Variants in SCN2A observed in about 807,000 individuals in gnomAD.
The protein encoded by SCN2A is sodium voltage-gated channel alpha subunit 2, also known as sodium channel protein type 2 subunit alpha.
A neutral mutation model predicts 188.7 loss-of-function variants in SCN2A; 20 were observed. The ratio of observed to expected loss-of-function variants is 0.11; its 90% CI spans 0.07 to 0.15. The LOEUF (loss-of-function observed/expected upper bound fraction) is 0.15. Among genes scored for constraint, SCN2A ranks in the 10% least tolerant of loss-of-function variants. The probability of loss-of-function intolerance (pLI) is 1.00; values close to 1 mark genes in which losing one functional copy is unlikely to be tolerated. For missense variants in SCN2A, 1,278 were observed against 2,445.0 expected, an observed-to-expected ratio of 0.52 and a Z score of 10.07; for synonymous variants, 804 against 833.1, an observed-to-expected ratio of 0.97 and a Z score of 0.60.
In SCN2A at chr2:165,354,288, G is replaced by A; in HGVS notation, c.3016G>A (p.Ala1006Thr). Residue 1006 changes from alanine (A) to threonine (T), a missense_variant, in exon 17 of 27, where the codon GCT (alanine) becomes ACT (threonine). Physicochemically the swap from Ala to Thr is moderately conservative, Grantham distance 58. This residue lies in a region of SCN2A where 228 missense variants were observed against 297.3 expected (regional missense o/e 0.77). Coordinates refer to ENST00000375437, the MANE Select transcript of SCN2A (RefSeq NM_001040142.2). ...TAACGAAATGAATAATCTCCAGATT[G>A]CTGTGGGAAGGATGCAGAAAGGAAT... ...DDNEMNNLQI[A>T]VGRMQKGIDF... 1 of 1,614,056 alleles carries A rather than the reference G, an allele frequency of 6.2e-7. No homozygotes were observed.
At chr2:165,346,563 G>A (rs1441893484) in intron 16 of SCN2A, among the ~76,000 whole-genome samples, 1 of 152,124 alleles carries the variant, frequency 6.6e-6, no homozygotes, top group African/African-American at 2.4e-5. Context: ...CTTCATGACT[G>A]AAACACCAAA....
chr2:165,345,010 G>A lies in SCN2A; in HGVS notation c.2919+99G>A, dbSNP rs750052286. 122 of 1,450,364 alleles carry A rather than the reference G, an allele frequency of 8.4e-5. 1 individual carries two copies. The highest frequency in any genetic ancestry group is 1.1e-4 in the Non-Finnish European group (117 of 1,043,774). The allele number at this position is 1,450,364 out of a possible 1,614,324, so 89.8% of individuals were successfully genotyped here. A position where few individuals can be genotyped will look rare whatever the true frequency, so the allele number is the denominator to read the frequency against. On this transcript the variant is annotated intron_variant, in intron 16 of 26. Coordinates refer to ENST00000375437, the MANE Select transcript of SCN2A (RefSeq NM_001040142.2). ...AATATTTTGTATTTTTTAAATCAAG[G>A]CCACTTCCTATTGTCTATTACTCAT...
At chr2:165,298,549 C>T (rs960605978) in intron 3 of SCN2A, among the ~76,000 whole-genome samples, 2 of 152,280 alleles carry the variant, frequency 1.3e-5, no homozygotes, top group African/African-American at 4.8e-5. Context: ...AGTTTCTTGG[C>T]ATTACCTTAA....
intron 3 of SCN2A, among the ~76,000 whole-genome samples, chr2:165,299,438 C>T (rs761108950): frequency 6.6e-5 from 10 of 152,148 alleles, no homozygotes; most frequent in Non-Finnish European, 1.5e-4. Context: ...TTACAGATGG[C>T]TTAGAGTCAC....
chr2:165,288,992 A>T (rs911590029), intron 1 of SCN2A, among the ~76,000 whole-genome samples: 4 of 152,230 alleles, frequency 2.6e-5, no homozygotes, highest in African/African-American at 9.6e-5. Flanking sequence ...ACTTCCAGAA[A>T]AAAAGACTTT....
At chr2:165,385,938 C>A (rs1464471702) in intron 25 of SCN2A, among the ~76,000 whole-genome samples, 1 of 152,100 alleles carries the variant, frequency 6.6e-6, no homozygotes, top group African/African-American at 2.4e-5. Flanking sequence ...TCCGTCATAA[C>A]ATGATGGTGT....
At chr2:165,254,831 T>C (rs1299238281) in intron 1 of SCN2A, among the ~76,000 whole-genome samples, 2 of 151,782 alleles carry the variant, frequency 1.3e-5, no homozygotes, top group Admixed American at 1.3e-4. Context: ...ATTAACTTTA[T>C]GATTTTATGA....
intron 14 of SCN2A, among the ~76,000 whole-genome samples, chr2:165,334,014 A>G (rs1351586798): frequency 6.7e-6 from 1 of 150,096 alleles, no homozygotes; most frequent in Non-Finnish European, 1.5e-5. Context: ...TAGATAACCT[A>G]TGTGAAATTG....
At chr2:165,270,844 A>G (rs1695073235) in intron 1 of SCN2A, 1 of 152,144 alleles carries the variant, frequency 6.6e-6, no homozygotes, top group Admixed American at 6.6e-5. Context: ...CCTTTTATAA[A>G]CAAAAAGCAA....
chr2:165,291,020 T>C (rs2106136895), intron 1 of SCN2A, among the ~76,000 whole-genome samples: 1 of 141,904 alleles, frequency 7.0e-6, no homozygotes, highest in Non-Finnish European at 1.5e-5. Flanking sequence ...GGTGTTTTTT[T>C]CTTTTCTTTT....
chr2:165,263,996 T>A (rs1165958745), intron 1 of SCN2A, among the ~76,000 whole-genome samples: 1 of 152,118 alleles, frequency 6.6e-6, no homozygotes, highest in Non-Finnish European at 1.5e-5. Context: ...ATTAACTTTG[T>A]ATCAAAACTT....
At chr2:165,331,055 C>A (rs1698646351) in intron 13 of SCN2A, among the ~76,000 whole-genome samples, 1 of 152,114 alleles carries the variant, frequency 6.6e-6, no homozygotes, top group Admixed American at 6.5e-5. Flanking sequence ...TAGTTTCTAG[C>A]AGCCTTGAAG....
chr2:165,369,355 T>G (rs1490560964), intron 19 of SCN2A, among the ~76,000 whole-genome samples: 1 of 152,228 alleles, frequency 6.6e-6, no homozygotes, highest in Admixed American at 6.5e-5. Flanking sequence ...CACAACGTGC[T>G]GGCACAGTGG....
At chr2:165,293,455 A>G (rs1412172712) in intron 1 of SCN2A, among the ~76,000 whole-genome samples, 1 of 152,176 alleles carries the variant, frequency 6.6e-6, no homozygotes, top group African/African-American at 2.4e-5. Context: ...TATTGTTCCT[A>G]GGCTACAAAC....
intron 1 of SCN2A, among the ~76,000 whole-genome samples, chr2:165,274,627 A>C (rs1695254045): frequency 6.6e-6 from 1 of 152,250 alleles, no homozygotes; most frequent in African/African-American, 2.4e-5. Context: ...TAGTTTAAAA[A>C]TTGTACCCTG....
intron 11 of SCN2A, among the ~76,000 whole-genome samples, chr2:165,318,510 T>C (rs553671489): frequency 6.6e-5 from 10 of 152,344 alleles, no homozygotes; most frequent in Non-Finnish European, 1.2e-4. Context: ...TTGATTACTA[T>C]GCATTTATGT....
chr2:165,249,120 C>G (rs960811198), intron 1 of SCN2A, among the ~76,000 whole-genome samples: 8 of 152,068 alleles, frequency 5.3e-5, no homozygotes. Flanking sequence ...TGTTCATCTT[C>G]TAGATTGTGA....
rs776827451 is a variant in SCN2A at position 165,378,584 on chromosome 2, C to G, written c.4308+934C>G. On this transcript the variant is annotated intron_variant, in intron 23 of 26. Coordinates refer to ENST00000375437, the MANE Select transcript of SCN2A (RefSeq NM_001040142.2). ...ACTACTGAAGCAAAGAGGCTTAATG[C>G]GTTAAATGGGAAAACAAGTTTTTGA... 2.1e-4 allele frequency among the ~76,000 whole-genome samples: 32 copies of G among 151,808 alleles called. 1 individual carries two copies. The highest frequency in any genetic ancestry group is 4.1e-4 in the South Asian group (2 of 4,822).
At chr2:165,301,480 T>G (rs1025064005) in intron 3 of SCN2A, among the ~76,000 whole-genome samples, 1 of 152,226 alleles carries the variant, frequency 6.6e-6, no homozygotes. Context: ...ATTCAAACCC[T>G]ATCTCTAAAA....
Sources: gnomAD v4.1 joint callset for allele counts (sites outside exome capture counted in the v4.1 genomes callset) on GRCh38, gnomAD v4.1.1 for gene constraint, gnomAD v4.1.1 regional missense constraint, MANE v1.5 for transcripts, NCBI Gene and HGNC (gene_info 2026-07-23, HGNC 2026-07-21) for gene names.